The following IL6R variants were observed in gnomAD, a reference collection of about 807,000 sequenced individuals.
The protein encoded by IL6R is interleukin-6 receptor subunit alpha.
IL6R carries 38 observed loss-of-function variants against 48.3 expected under a neutral mutation model. The observed-to-expected ratio is 0.79, with a 90% confidence interval of 0.61 to 1.03. The LOEUF is 1.03. Ranked by LOEUF, IL6R falls within the 50% of genes least tolerant of loss-of-function variation. IL6R has a pLI of 0.00. For synonymous variants in IL6R, 264 were observed against 256.2 expected (o/e 1.03, Z -0.29); for missense variants, 534 against 618.3 (o/e 0.86, Z 1.45).
At chr1:154,409,291 G>C (rs140581006) in intron 1 of IL6R, among the ~76,000 whole-genome samples, 2 of 152,180 alleles carry the variant, frequency 1.3e-5, no homozygotes, top group Non-Finnish European at 2.9e-5. Context: ...ACTGGACGGT[G>C]CTGGGCTAGA....
At chr1:154,441,865 G>A (rs956628554) in intron 6 of IL6R, among the ~76,000 whole-genome samples, 2 of 152,164 alleles carry the variant, frequency 1.3e-5, no homozygotes, top group African/African-American at 4.8e-5. Context: ...GGTAAAGTTA[G>A]TTCAGCTCTC....
At chr1:154,421,116 C>A (rs552099756) in intron 1 of IL6R, among the ~76,000 whole-genome samples, 1 of 152,222 alleles carries the variant, frequency 6.6e-6, no homozygotes, top group African/African-American at 2.4e-5. Flanking sequence ...CTGGCCTTGG[C>A]GCAGTCCTTG....
intron 1 of IL6R, among the ~76,000 whole-genome samples, chr1:154,409,583 G>A (rs1687914159): frequency 6.6e-6 from 1 of 152,204 alleles, no homozygotes. Context: ...TAAATAGAGT[G>A]TTTACAGAAG....
chr1:154,451,695 C>T (rs1690590990), intron 8 of IL6R, among the ~76,000 whole-genome samples: 1 of 151,866 alleles, frequency 6.6e-6, no homozygotes, highest in Non-Finnish European at 1.5e-5. Flanking sequence ...CACCACCACG[C>T]CTGGCTAATT....
chr1:154,460,924 T>A (rs1691220182), intron 9 of IL6R, among the ~76,000 whole-genome samples: 1 of 152,076 alleles, frequency 6.6e-6, no homozygotes, highest in Non-Finnish European at 1.5e-5. Flanking sequence ...ACCACTACTA[T>A]CAAGATGCAG....
At chr1:154,459,098 A>G (rs1049850605) in intron 9 of IL6R, among the ~76,000 whole-genome samples, 1 of 152,184 alleles carries the variant, frequency 6.6e-6, no homozygotes, top group Non-Finnish European at 1.5e-5. Flanking sequence ...CCCACCTGCT[A>G]TTGGCTAAGA....
intron 1 of IL6R, among the ~76,000 whole-genome samples, chr1:154,420,535 A>ATTTC: frequency 6.6e-6 from 1 of 150,850 alleles, no homozygotes; most frequent in Non-Finnish European, 1.5e-5. Flanking sequence ...TTATTTATTT[A>ATTTC]TTTATTTTCA....
chr1:154,460,731 C>G (rs1298320411), intron 9 of IL6R, among the ~76,000 whole-genome samples: 2 of 152,212 alleles, frequency 1.3e-5, no homozygotes, highest in Middle Eastern at 3.4e-3. Context: ...TGCCAAGACA[C>G]CAGGTTGCAG....
chr1:154,408,275 G>A (rs542151751), intron 1 of IL6R, among the ~76,000 whole-genome samples: 4 of 152,294 alleles, frequency 2.6e-5, no homozygotes, highest in African/African-American at 9.6e-5. Flanking sequence ...AGGCCCTCCC[G>A]CTTCGGGCTC....
chr1:154,434,072 C>T (rs1429271589), intron 3 of IL6R, among the ~76,000 whole-genome samples: 4 of 151,942 alleles, frequency 2.6e-5, no homozygotes, highest in African/African-American at 7.2e-5. Flanking sequence ...ATTGTTCATG[C>T]CTGTAATCCC....
At chr1:154,426,328 T>C (rs1432105191) in intron 1 of IL6R, among the ~76,000 whole-genome samples, 1 of 151,132 alleles carries the variant, frequency 6.6e-6, no homozygotes, top group Non-Finnish European at 1.5e-5. Flanking sequence ...CTGACTAATA[T>C]GGTGAAACCC....
chr1:154,429,979 T>C (rs1473906102), intron 2 of IL6R, among the ~76,000 whole-genome samples: 2 of 152,192 alleles, frequency 1.3e-5, no homozygotes, highest in Non-Finnish European at 1.5e-5. Flanking sequence ...AAAGACTTCC[T>C]GGAACCAGTG....
At chr1:154,416,343 C>T (rs1419925866) in intron 1 of IL6R, among the ~76,000 whole-genome samples, 2 of 146,526 alleles carry the variant, frequency 1.4e-5, no homozygotes, top group African/African-American at 2.5e-5. Context: ...TGGAGTTTTG[C>T]TATGTTGCCT....
chr1:154,467,912 T>G lies in IL6R; in HGVS notation c.*2532T>G, dbSNP rs1025272000. The G allele has an allele frequency of 6.6e-6, 1 of 152,164 alleles. No homozygotes were observed. Among genetic ancestry groups the G allele is most frequent in the Non-Finnish European group, 1.5e-5 (1 of 68,028 alleles). The allele number at this position is 152,164 out of a possible 1,614,324, so 9.4% of individuals were successfully genotyped here. A position where few individuals can be genotyped will look rare whatever the true frequency, so the allele number is the denominator to read the frequency against. ...TCTGTGCCCACAGTTCTTCAATTCT[T>G]TATACCGTTTTACCCACATGTGGTG... On this transcript the variant is annotated 3_prime_UTR_variant, in exon 10 of 10. Transcript: ENST00000368485.
rs577208188 is a variant in IL6R at position 154,421,901 on chromosome 1, G to A, written c.86-7295G>A. Among the ~76,000 whole-genome samples, 85 of 152,114 alleles carry A rather than the reference G, an allele frequency of 5.6e-4. 2 individuals are homozygous for A. The South Asian group carries it at 0.013, about 24-fold the overall frequency. On this transcript the variant is annotated intron_variant, in intron 1 of 9. Coordinates refer to ENST00000368485, the MANE Select transcript of IL6R (RefSeq NM_000565.4). ...CTCCCAATGTGCTGGGATGACAGGCGTAAGCCACGATGCCTGGTGACTCTC... is the reference window on the plus strand; with the variant it reads ...CTCCCAATGTGCTGGGATGACAGGCATAAGCCACGATGCCTGGTGACTCTC...
rs558030327 is a variant in IL6R at position 154,466,356 on chromosome 1, A to G, written c.*976A>G. 1 of 152,388 alleles carries G rather than the reference A, an allele frequency of 6.6e-6. No individual in the cohort carries two copies. Among genetic ancestry groups the G allele is most frequent in the Admixed American group, 6.5e-5 (1 of 15,302 alleles). 9.4% of individuals were successfully genotyped at this position (152,388 alleles called of 1,614,324 possible). On this transcript the variant is annotated 3_prime_UTR_variant, in exon 10 of 10. Transcript: ENST00000368485. ...CTGAACCTGGGTAACTAGGGAAGATAATATTAAGGAAGACAATGTGAAAAG... is the reference window on the plus strand; with the variant it reads ...CTGAACCTGGGTAACTAGGGAAGATGATATTAAGGAAGACAATGTGAAAAG...
intron 6 of IL6R, among the ~76,000 whole-genome samples, chr1:154,442,192 G>GC (rs1040344195): frequency 3.9e-5 from 6 of 152,108 alleles, no homozygotes; most frequent in Admixed American, 2.6e-4. Flanking sequence ...GAGGGTGCGT[G>GC]CCCCACTGTA....
intron 1 of IL6R, among the ~76,000 whole-genome samples, chr1:154,419,680 A>G (rs1688539575): frequency 1.3e-5 from 2 of 152,172 alleles, no homozygotes; most frequent in Admixed American, 6.5e-5. Context: ...GTGGCAGGCC[A>G]GGCAGCTGGT....
At chr1:154,454,340 G>A in intron 8 of IL6R, 148 bp from the exon 9 acceptor site, 1 of 619,082 alleles carries the variant, frequency 1.6e-6, no homozygotes, top group Non-Finnish European at 2.9e-6. Context: ...GGTTGGCAGA[G>A]CTGTTTCATT....
Sources: gnomAD v4.1 joint callset for allele counts (sites outside exome capture counted in the v4.1 genomes callset) on GRCh38, gnomAD v4.1.1 for gene constraint, MANE v1.5 for transcripts, NCBI Gene and HGNC (gene_info 2026-07-23, HGNC 2026-07-21) for gene names.